The following BCAM variants were observed in gnomAD, a reference collection of about 807,000 sequenced individuals.
BCAM encodes basal cell adhesion molecule.
A neutral mutation model predicts 72.4 loss-of-function variants in BCAM; 61 were observed. The observed-to-expected ratio is 0.84, with a 90% confidence interval of 0.69 to 1.04. BCAM has a LOEUF of 1.04. Among genes scored for constraint, BCAM ranks in the 50% least tolerant of loss-of-function variants. The pLI is 0.00. For synonymous variants in BCAM, 408 were observed against 384.2 expected (o/e 1.06, Z -0.73); for missense variants, 909 against 895.0 (o/e 1.02, Z -0.20).
Position 44,814,896 on chromosome 19 carries a change from G to T in BCAM, c.1078+136G>T, listed in dbSNP as rs2968180. The T allele has an allele frequency of 0.12, 105,943 of 850,248 alleles. 9,663 individuals are homozygous for T. Among genetic ancestry groups the T allele is most frequent in the African/African-American group, 0.39 (22,319 of 56,882 alleles). 52.7% of individuals were successfully genotyped at this position (850,248 alleles called of 1,614,324 possible). A position where few individuals can be genotyped will look rare whatever the true frequency, so the allele number is the denominator to read the frequency against. On this transcript the variant is annotated intron_variant, in intron 8 of 14. Transcript: ENST00000270233. The surrounding 1 kb of genome is among the most constrained non-coding windows in gnomAD (Gnocchi z 4.6). Reference sequence around the variant, plus strand: ...AACCCTTTCTCTGCATTTCTTGGGGGTTTTTTTGGTTGTTTTTTTTTTTTT... The same window carrying T: ...AACCCTTTCTCTGCATTTCTTGGGGTTTTTTTTGGTTGTTTTTTTTTTTTT...
intron 8 of BCAM, among the ~76,000 whole-genome samples, chr19:44,817,168 C>T (rs1968513319): frequency 1.3e-5 from 2 of 152,014 alleles, no homozygotes; most frequent in South Asian, 2.1e-4. Flanking sequence ...ACCCAGGAGG[C>T]AGAGCTTGCA....
At position 44,820,827 on chromosome 19, in the gene BCAM, G is replaced by A. The variant is rs780863532; in HGVS notation, c.1881+5G>A. The A allele has an allele frequency of 7.9e-6, 12 of 1,515,632 alleles. No homozygotes were observed. Among genetic ancestry groups the A allele is most frequent in the African/African-American group, 1.4e-5 (1 of 71,956 alleles). 93.9% of individuals were successfully genotyped at this position (1,515,632 alleles called of 1,614,324 possible). A position where few individuals can be genotyped will look rare whatever the true frequency, so the allele number is the denominator to read the frequency against. On this transcript the variant is annotated splice_donor_5th_base_variant and intron_variant, in intron 14 of 14. Coordinates refer to ENST00000270233, the MANE Select transcript of BCAM (RefSeq NM_005581.5). ...AGCGGGGGCTTCGGAGACGAGGTGG[G>A]TGAGGGCCTGGGCCCCCTGGTGAGA...
chr19:44,815,953 A>G (rs1158120621), intron 8 of BCAM, among the ~76,000 whole-genome samples: 1 of 152,126 alleles, frequency 6.6e-6, no homozygotes, highest in African/African-American at 2.4e-5. Context: ...TTGAAACTGC[A>G]GTGAGCCAAG....
In BCAM at chr19:44,811,247, G is replaced by C. The variant is rs183752456; in HGVS notation, c.105G>C (p.Leu35Phe). The change falls in exon 2 of 15, where the codon TTG (leucine) becomes TTC (phenylalanine). Residue 35 changes from leucine (L) to phenylalanine (F), a missense_variant. Physicochemically the swap from Leu to Phe is conservative, Grantham distance 22. Coordinates refer to ENST00000270233, the MANE Select transcript of BCAM (RefSeq NM_005581.5). ...CAGATGCCCAGGCGGAGGTGCGCTTGTCTGTACCCCCGCTGGTGGAGGTGA... is the reference window on the plus strand; with the variant it reads ...CAGATGCCCAGGCGGAGGTGCGCTTCTCTGTACCCCCGCTGGTGGAGGTGA... ...AHPDAQAEVR[L>F]SVPPLVEVMR... 28 of 1,612,646 alleles carry C rather than the reference G, an allele frequency of 1.7e-5. No homozygotes were observed. Among genetic ancestry groups the C allele is most frequent in the Non-Finnish European group, 4.2e-6 (5 of 1,179,900 alleles).
Position 44,812,187 on chromosome 19 carries a change from C to T in BCAM, c.229C>T (p.Arg77Cys), listed in dbSNP as rs939142443. The change falls in exon 3 of 15, where the codon CGC becomes TGC. Residue 77 changes from arginine (R) to cysteine (C), a missense_variant. Transcript: ENST00000270233. The surrounding 1 kb of genome is among the most constrained non-coding windows in gnomAD (Gnocchi z 5.3). ...GACCGACCGCTCGGGAGCTCGCCCC[C>T]GCCTAGCCTCGGCTGAGATGCAGGG... ...FLTDRSGARPRLASAEMQGSE... is the reference protein window; with the variant it reads ...FLTDRSGARPCLASAEMQGSE... 4.4e-6 allele frequency: 7 copies of T among 1,602,682 alleles called. No homozygotes were observed. Among genetic ancestry groups the T allele is most frequent in the Admixed American group, 3.6e-5 (2 of 55,948 alleles).
rs1968582232 is a variant in BCAM at position 44,820,969 on chromosome 19, C to T, written c.*48C>T. 1 of 1,530,156 alleles carries T rather than the reference C, an allele frequency of 6.5e-7. No homozygotes were observed. The highest frequency in any genetic ancestry group is 2.6e-5 in the East Asian group (1 of 39,124). 94.8% of individuals were successfully genotyped at this position (1,530,156 alleles called of 1,614,324 possible). The stretch of plus-strand genomic sequence containing the variant: ...TCCCTGGACCTGGAGCTGCAGGCAT[C>T]AGAGAACCAGCCCTGCTCACGCCAT... On this transcript the variant is annotated 3_prime_UTR_variant, in exon 15 of 15. Coordinates refer to ENST00000270233, the MANE Select transcript of BCAM (RefSeq NM_005581.5).
At position 44,813,957 on chromosome 19, in the gene BCAM, A is replaced by C. The variant is rs1470113784; in HGVS notation, c.785-195A>C. On this transcript the variant is annotated intron_variant, in intron 6 of 14. Coordinates refer to ENST00000270233, the MANE Select transcript of BCAM (RefSeq NM_005581.5). The surrounding 1 kb of genome is among the most constrained non-coding windows in gnomAD (Gnocchi z 4.2). Reference sequence around the variant, plus strand: ...CGCCCATACGGACCTCTGACTCTTGACCTATACTCTTAGTTTATTTCAACC... The same window carrying C: ...CGCCCATACGGACCTCTGACTCTTGCCCTATACTCTTAGTTTATTTCAACC... Among the ~76,000 whole-genome samples, 1 of 151,996 alleles carries C rather than the reference A, an allele frequency of 6.6e-6. No homozygotes were observed. The highest frequency in any genetic ancestry group is 2.4e-5 in the African/African-American group (1 of 41,368).
chr19:44,817,535 G>A (rs1022764350), intron 8 of BCAM, among the ~76,000 whole-genome samples: 1 of 151,372 alleles, frequency 6.6e-6, no homozygotes, highest in Non-Finnish European at 1.5e-5. Flanking sequence ...ACCAGTGGGT[G>A]GTTGGTTTTT....
chr19:44,813,779 T>G lies in BCAM; in HGVS notation c.784+159T>G. 1 of 1,075,942 alleles carries G rather than the reference T, an allele frequency of 9.3e-7. No individual in the cohort carries two copies. Among genetic ancestry groups the G allele is most frequent in the Non-Finnish European group, 1.3e-6 (1 of 768,220 alleles). 66.6% of individuals were successfully genotyped at this position (1,075,942 alleles called of 1,614,324 possible). On this transcript the variant is annotated intron_variant, in intron 6 of 14. Transcript: ENST00000270233. The surrounding 1 kb of genome is among the most constrained non-coding windows in gnomAD (Gnocchi z 4.2). ...GCTGGCCACTGACCTCTGACCTCAA[T>G]TGGTCGCACAAGCCCCATCCTGACC... is the stretch of plus-strand genomic sequence containing the variant.
At position 44,813,699 on chromosome 19, in the gene BCAM, C is replaced by T. The variant is rs1968463480; in HGVS notation, c.784+79C>T. On this transcript the variant is annotated intron_variant, in intron 6 of 14. Transcript: ENST00000270233. The surrounding 1 kb of genome is among the most constrained non-coding windows in gnomAD (Gnocchi z 4.2). Reference sequence around the variant, plus strand: ...CCTGACCCTCCACCCGGGGGCTTCACACTCCCCTCTGACCCTCTGCCTCCC... The same window carrying T: ...CCTGACCCTCCACCCGGGGGCTTCATACTCCCCTCTGACCCTCTGCCTCCC... The T allele has an allele frequency of 2.0e-6, 3 of 1,529,490 alleles. No homozygotes were observed. The East Asian group carries it at 6.8e-5, about 35-fold the overall frequency. 94.7% of individuals were successfully genotyped at this position (1,529,490 alleles called of 1,614,324 possible). A position where few individuals can be genotyped will look rare whatever the true frequency, so the allele number is the denominator to read the frequency against.
At chr19:44,810,977 A>G (rs1306802667) in intron 1 of BCAM, among the ~76,000 whole-genome samples, 1 of 82,226 alleles carries the variant, frequency 1.2e-5, no homozygotes, top group African/African-American at 4.8e-5. Flanking sequence ...CTGAGGGAGG[A>G]GGGGCTGGGG....
chr19:44,818,773 G>A lies in BCAM; in HGVS notation c.1227G>A (p.Leu409=), dbSNP rs28399629. The change falls in exon 10 of 15, where the codon CTG becomes CTA. Residue 409 remains leucine, a synonymous_variant. Coordinates refer to ENST00000270233, the MANE Select transcript of BCAM (RefSeq NM_005581.5). This position sits in a 1 kb window ranked among gnomAD's most constrained non-coding sequence, Gnocchi z 4.6. ...DSTPLGDGPM[L]SLSSITFDSN... is the part of the protein sequence containing the mutation. ...CTCCCCTGGGCGATGGCCCCATGCT[G>A]TCGCTCAGTTCTATCACCTTCGATT... 1.9e-6 allele frequency: 3 copies of A among 1,613,962 alleles called. No individual in the cohort carries two copies. In the African/African-American group the frequency reaches 4.0e-5, roughly 22 times the overall value.
At position 44,812,105 on chromosome 19, in the gene BCAM, G is replaced by C. The variant is rs1968428743; in HGVS notation, c.205-58G>C. ...GCTGCAGAGAGAAAGGACCCAGAGA[G>C]AGAGAGACTGAGGAGCGCTGGGACA... On this transcript the variant is annotated intron_variant, in intron 2 of 14. Transcript: ENST00000270233. The surrounding 1 kb of genome is among the most constrained non-coding windows in gnomAD (Gnocchi z 5.3). The C allele has an allele frequency of 5.4e-6, 8 of 1,492,556 alleles. No homozygotes were observed. In the East Asian group the frequency reaches 1.9e-4, roughly 36 times the overall value. 92.5% of individuals were successfully genotyped at this position (1,492,556 alleles called of 1,614,324 possible). A position where few individuals can be genotyped will look rare whatever the true frequency, so the allele number is the denominator to read the frequency against.
chr19:44,811,493 G>A, intron 2 of BCAM, 147 bp downstream of exon 2: 1 of 1,352,506 alleles, frequency 7.4e-7, no homozygotes, highest in Non-Finnish European at 1.0e-6. Context: ...TGAGGGGAAG[G>A]GATCTGCAAG....
In BCAM at chr19:44,819,609, T is replaced by TG; in HGVS notation, c.1648dup (p.Ala550GlyfsTer158). Reference sequence around the variant, plus strand: ...AGCCCCCAGACCTCCCAGGCTGGAGTGGCCGTCATGGCCGTGGCCGTCAGC... The same window carrying TG: ...AGCCCCCAGACCTCCCAGGCTGGAGTGGGCCGTCATGGCCGTGGCCGTCAGC... On this transcript the variant is annotated frameshift_variant, in exon 13 of 15. Coordinates refer to ENST00000270233, the MANE Select transcript of BCAM (RefSeq NM_005581.5). LOFTEE classifies it high-confidence loss of function. 6.2e-7 allele frequency: 1 copy of TG among 1,613,326 alleles called. No individual in the cohort carries two copies. Among genetic ancestry groups the TG allele is most frequent in the Non-Finnish European group, 8.5e-7 (1 of 1,179,640 alleles).
chr19:44,820,862 TG>T, intron 14 of BCAM, 40 bp downstream of exon 14: 1 of 1,541,542 alleles, frequency 6.5e-7, no homozygotes, highest in Non-Finnish European at 8.7e-7. Context: ...AGGGACCTGC[TG>T]GGCAGTGGAG....
In BCAM at chr19:44,814,708, C is replaced by T. The variant is rs770541247; in HGVS notation, c.1026C>T (p.Tyr342=). 9.3e-6 allele frequency: 15 copies of T among 1,613,900 alleles called. No homozygotes were observed. The highest frequency in any genetic ancestry group is 1.2e-5 in the Non-Finnish European group (14 of 1,180,008). ...CCTATGGCTGCAGAGTGGAGGATTA[C>T]GACGCGGCAGATGACGTGCAGCTCT... ...SGTYGCRVED[Y]DAADDVQLSK... is the part of the protein sequence containing the mutation. The change falls in exon 8 of 15, where the codon TAC becomes TAT. Residue 342 remains tyrosine, a synonymous_variant. Coordinates refer to ENST00000270233, the MANE Select transcript of BCAM (RefSeq NM_005581.5). This position sits in a 1 kb window ranked among gnomAD's most constrained non-coding sequence, Gnocchi z 4.6.
Position 44,818,451 on chromosome 19 carries a change from A to G in BCAM, c.1079-71A>G. Reference sequence around the variant, plus strand: ...CTGTCCATTCATGTTTGCACCCCCGACCGCCCCTGGAGAGCCCCTAATTGA... The same window carrying G: ...CTGTCCATTCATGTTTGCACCCCCGGCCGCCCCTGGAGAGCCCCTAATTGA... On this transcript the variant is annotated intron_variant, in intron 8 of 14. Coordinates refer to ENST00000270233, the MANE Select transcript of BCAM (RefSeq NM_005581.5). This position sits in a 1 kb window ranked among gnomAD's most constrained non-coding sequence, Gnocchi z 4.6. 3 of 1,278,772 alleles carry G rather than the reference A, an allele frequency of 2.3e-6. No individual in the cohort carries two copies. Among genetic ancestry groups the G allele is most frequent in the Non-Finnish European group, 2.2e-6 (2 of 893,854 alleles). 79.2% of individuals were successfully genotyped at this position (1,278,772 alleles called of 1,614,324 possible).
chr19:44,819,213 C>T (rs1464497317), intron 11 of BCAM, 21 bp downstream of exon 11: 2 of 1,613,536 alleles, frequency 1.2e-6, no homozygotes, highest in East Asian at 4.5e-5. Context: ...TTCCTCTCCA[C>T]CCTGAGCCCC....
Sources: gnomAD v4.1 joint callset for allele counts (sites outside exome capture counted in the v4.1 genomes callset) on GRCh38, gnomAD v4.1.1 for gene constraint, Gnocchi (gnomAD v3.1) non-coding constraint, MANE v1.5 for transcripts, NCBI Gene and HGNC (gene_info 2026-07-23, HGNC 2026-07-21) for gene names.